Variants in FRMD5 observed in about 807,000 individuals in gnomAD.
FRMD5 encodes FERM domain-containing protein 5.
In FRMD5, 20 loss-of-function variants were observed where a neutral mutation model predicts 69.0. That is an observed-to-expected ratio of 0.29 (90% CI 0.20 to 0.42). The LOEUF is 0.42. Among genes scored for constraint, FRMD5 ranks in the 10% least tolerant of loss-of-function variants. The pLI is 1.00. For missense variants in FRMD5, 595 were observed against 708.6 expected (o/e 0.84, Z 1.82); for synonymous variants, 271 against 260.1 (o/e 1.04, Z -0.40).
chr15:44,182,706 C>A (rs961825734), intron 1 of FRMD5, among the ~76,000 whole-genome samples: 2 of 152,232 alleles, frequency 1.3e-5, no homozygotes, highest in African/African-American at 4.8e-5. Flanking sequence ...TATTAAGCCC[C>A]TTGGTGACAC....
At chr15:44,041,855 A>G (rs1892208680) in intron 1 of FRMD5, among the ~76,000 whole-genome samples, 1 of 152,196 alleles carries the variant, frequency 6.6e-6, no homozygotes, top group Non-Finnish European at 1.5e-5. Context: ...ACACCCTACC[A>G]TCACAATTAA....
intron 1 of FRMD5, among the ~76,000 whole-genome samples, chr15:43,927,412 A>T (rs2089603527): frequency 2.0e-5 from 3 of 152,162 alleles, no homozygotes; most frequent in African/African-American, 7.2e-5. Context: ...GAGACTCGTT[A>T]TGAATCACAC....
intron 4 of FRMD5, among the ~76,000 whole-genome samples, chr15:43,912,075 TCCTACACTTCCA>T (rs2089298904): frequency 6.6e-6 from 1 of 152,210 alleles, no homozygotes; most frequent in South Asian, 2.1e-4. Context: ...TATAGGCCCA[TCCTACACTTCCA>T]CCTACACCTT....
chr15:44,043,391 CA>C (rs1384412198), intron 1 of FRMD5, among the ~76,000 whole-genome samples: 4 of 152,148 alleles, frequency 2.6e-5, no homozygotes, highest in African/African-American at 9.7e-5. Context: ...ATGAAGCTAC[CA>C]CTGACTTGCT....
At chr15:44,024,921 G>A (rs1454457101) in intron 1 of FRMD5, among the ~76,000 whole-genome samples, 3 of 152,312 alleles carry the variant, frequency 2.0e-5, no homozygotes, top group East Asian at 1.9e-4. Flanking sequence ...CAATTCATAA[G>A]TGAGTAATAG....
At chr15:44,173,371 C>G (rs1250471079) in intron 1 of FRMD5, among the ~76,000 whole-genome samples, 1 of 151,768 alleles carries the variant, frequency 6.6e-6, no homozygotes, top group Non-Finnish European at 1.5e-5. Flanking sequence ...TCCTAATAGA[C>G]AAAAGTGAGA....
intron 1 of FRMD5, among the ~76,000 whole-genome samples, chr15:44,056,956 A>G (rs1892893810): frequency 6.6e-6 from 1 of 152,100 alleles, no homozygotes; most frequent in African/African-American, 2.4e-5. Flanking sequence ...CCACTTCCAA[A>G]CTTGGATGAA....
chr15:44,140,815 C>T (rs536660071), intron 1 of FRMD5, among the ~76,000 whole-genome samples: 28 of 130,708 alleles, frequency 2.1e-4, no homozygotes, highest in African/African-American at 4.3e-4. Flanking sequence ...CCCAGGAGAT[C>T]GAGGCTGCAA....
intron 1 of FRMD5, among the ~76,000 whole-genome samples, chr15:44,026,124 T>G (rs1891418692): frequency 6.6e-6 from 1 of 152,136 alleles, no homozygotes; most frequent in Non-Finnish European, 1.5e-5. Flanking sequence ...ACTACAGGCA[T>G]GTACCACCAA....
intron 1 of FRMD5, among the ~76,000 whole-genome samples, chr15:44,003,968 C>A (rs1890325450): frequency 6.6e-6 from 1 of 152,140 alleles, no homozygotes; most frequent in African/African-American, 2.4e-5. Context: ...TGTAGACACT[C>A]AACAAATATT....
At chr15:44,195,345 A>G (rs1209665527), upstream of FRMD5, 5 of 455,946 alleles carry the variant, frequency 1.1e-5, no homozygotes, top group African/African-American at 8.4e-5. Flanking sequence ...AATGGGGGTC[A>G]GCGCGGCGGA....
Position 43,919,521 on chromosome 15 carries a change from G to A in FRMD5, c.267C>T (p.Thr89=). ...GATAAAACTTCACACGGAAGCACAT[G>A]GTGAATGGAGGCTGGGCTGCAGAGA... ...VKQLRSQPPF[T]MCFRVKFYPA... is the part of the protein sequence containing the mutation. Residue 89 remains threonine, a synonymous_variant, in exon 4 of 14, where the codon ACC becomes ACT. Transcript: ENST00000417257. 2 of 1,613,930 alleles carry A rather than the reference G, an allele frequency of 1.2e-6. No homozygotes were observed. Among genetic ancestry groups the A allele is most frequent in the African/African-American group, 1.3e-5 (1 of 74,994 alleles).
chr15:44,196,374 G>GA (rs1042959835), upstream of FRMD5, among the ~76,000 whole-genome samples: 5 of 151,972 alleles, frequency 3.3e-5, no homozygotes, highest in Non-Finnish European at 7.4e-5. Flanking sequence ...TGAGGCAGGA[G>GA]AATCGCTTGA....
At chr15:44,021,970 T>C (rs1891227064) in intron 1 of FRMD5, among the ~76,000 whole-genome samples, 1 of 152,114 alleles carries the variant, frequency 6.6e-6, no homozygotes, top group Non-Finnish European at 1.5e-5. Context: ...AGGAATAAAA[T>C]TCTGGTACAT....
intron 1 of FRMD5, among the ~76,000 whole-genome samples, chr15:44,145,755 A>C (rs899078940): frequency 6.6e-6 from 1 of 152,192 alleles, no homozygotes; most frequent in African/African-American, 2.4e-5. Flanking sequence ...GCTACCAAGG[A>C]TAATTCTGCC....
At chr15:44,165,886 A>C (rs1329775639) in intron 1 of FRMD5, among the ~76,000 whole-genome samples, 1 of 152,222 alleles carries the variant, frequency 6.6e-6, no homozygotes, top group African/African-American at 2.4e-5. Flanking sequence ...TCAGCCTCTG[A>C]GTATTAAAAG....
At chr15:44,069,790 T>C (rs887134731) in intron 1 of FRMD5, among the ~76,000 whole-genome samples, 1 of 152,202 alleles carries the variant, frequency 6.6e-6, no homozygotes, top group African/African-American at 2.4e-5. Context: ...TTGCAAGATG[T>C]TACCATAGGG....
chr15:44,184,954 C>T (rs1286470648), intron 1 of FRMD5, among the ~76,000 whole-genome samples: 1 of 152,052 alleles, frequency 6.6e-6, no homozygotes, highest in East Asian at 1.9e-4. Flanking sequence ...GACCAGTATA[C>T]CCAATATTAC....
intron 1 of FRMD5, among the ~76,000 whole-genome samples, chr15:44,020,952 T>C (rs567746001): frequency 1.4e-4 from 21 of 152,348 alleles, no homozygotes; most frequent in African/African-American, 5.1e-4. Flanking sequence ...CTCAAGAGAA[T>C]AGATAACCAT....
Sources: gnomAD v4.1 joint callset for allele counts (sites outside exome capture counted in the v4.1 genomes callset) on GRCh38, gnomAD v4.1.1 for gene constraint, MANE v1.5 for transcripts, NCBI Gene and HGNC (gene_info 2026-07-23, HGNC 2026-07-21) for gene names.